QTMAN: variants seen among roughly 807,000 people sequenced by gnomAD.
QTMAN encodes tRNA-queuosine alpha-mannosyltransferase.
At chr2:144,173,729 T>C in the QTMAN span, among the ~76,000 whole-genome samples, 1 of 151,680 alleles carries the variant, frequency 6.6e-6, no homozygotes, top group Non-Finnish European at 1.5e-5. Context: ...CTCACATTGA[T>C]ATCTGATCCC....
At chr2:144,003,902 T>C in the QTMAN span, among the ~76,000 whole-genome samples, 1 of 152,072 alleles carries the variant, frequency 6.6e-6, no homozygotes, top group East Asian at 1.9e-4. Context: ...CAGCATCACT[T>C]CATTTTTAGA....
At chr2:144,085,729 T>C in the QTMAN span, among the ~76,000 whole-genome samples, 1 of 152,164 alleles carries the variant, frequency 6.6e-6, no homozygotes, top group South Asian at 2.1e-4. Context: ...TCTTATTCAG[T>C]GAGGCTTTGA....
At chr2:144,138,768 T>C in the QTMAN span, among the ~76,000 whole-genome samples, 1 of 152,020 alleles carries the variant, frequency 6.6e-6, no homozygotes, top group Non-Finnish European at 1.5e-5. Context: ...AGAATGAAGA[T>C]AGAAGATTTG....
the QTMAN span, among the ~76,000 whole-genome samples, chr2:144,049,708 T>C: frequency 6.6e-6 from 1 of 152,182 alleles, no homozygotes. Context: ...TGGCTCTTTT[T>C]TGTTAGGCTG....
the QTMAN span, among the ~76,000 whole-genome samples, chr2:144,103,916 CCT>C: frequency 1.3e-5 from 2 of 152,076 alleles, no homozygotes; most frequent in African/African-American, 4.8e-5. Context: ...ATGGCAAAAC[CCT>C]GTCTCTACTA....
the QTMAN span, among the ~76,000 whole-genome samples, chr2:144,225,420 A>G: frequency 6.6e-6 from 1 of 152,194 alleles, no homozygotes; most frequent in African/African-American, 2.4e-5. Flanking sequence ...TCTTGATGTC[A>G]CTTTTCCACT....
At chr2:144,290,414 G>A in the QTMAN span, among the ~76,000 whole-genome samples, 1 of 152,214 alleles carries the variant, frequency 6.6e-6, no homozygotes, top group Admixed American at 6.5e-5. Flanking sequence ...TCTGGCTAAT[G>A]CCTGGACCAT....
At chr2:144,042,607 A>G in the QTMAN span, among the ~76,000 whole-genome samples, 3 of 151,772 alleles carry the variant, frequency 2.0e-5, no homozygotes, top group African/African-American at 7.3e-5. Context: ...CAAACAAACA[A>G]AAAATTAGCT....
the QTMAN span, among the ~76,000 whole-genome samples, chr2:144,220,353 T>C: frequency 1.3e-5 from 2 of 152,120 alleles, no homozygotes; most frequent in Non-Finnish European, 2.9e-5. Context: ...TTCTAGAAGG[T>C]CTACTATTGT....
the QTMAN span, among the ~76,000 whole-genome samples, chr2:144,136,430 GA>G: frequency 6.7e-6 from 1 of 150,132 alleles, no homozygotes; most frequent in African/African-American, 2.5e-5. Context: ...GAAAGGAAAG[GA>G]AAGGAAAAGA....
the QTMAN span, among the ~76,000 whole-genome samples, chr2:144,165,634 C>G: frequency 1.3e-5 from 2 of 152,146 alleles, no homozygotes; most frequent in Non-Finnish European, 2.9e-5. Flanking sequence ...GAAACCTTCA[C>G]TTGGATAGCC....
At chr2:144,224,621 T>C in the QTMAN span, among the ~76,000 whole-genome samples, 3 of 152,068 alleles carry the variant, frequency 2.0e-5, no homozygotes, top group African/African-American at 7.3e-5. Flanking sequence ...TTGCTGATAA[T>C]GAGATGACAT....
chr2:143,941,045 G>T, the QTMAN span: 1 of 152,204 alleles, frequency 6.6e-6, no homozygotes, highest in South Asian at 2.1e-4. Flanking sequence ...AGGAGAAAGA[G>T]AAGACAAATG....
At chr2:144,269,172 C>T in the QTMAN span, among the ~76,000 whole-genome samples, 3 of 152,122 alleles carry the variant, frequency 2.0e-5, no homozygotes, top group Non-Finnish European at 2.9e-5. Context: ...ATAATATACG[C>T]TAACTGATAT....
chr2:144,262,809 AGGAGAGG>A, the QTMAN span, among the ~76,000 whole-genome samples: 1 of 68,044 alleles, frequency 1.5e-5, no homozygotes, highest in Non-Finnish European at 2.9e-5. Flanking sequence ...GTGAGATGGG[AGGAGAGG>A]GGAGAGGGGA....
the QTMAN span, among the ~76,000 whole-genome samples, chr2:144,086,523 T>C: frequency 6.6e-6 from 1 of 152,270 alleles, no homozygotes; most frequent in East Asian, 1.9e-4. Flanking sequence ...AGGACCTTGA[T>C]TCAGTGAAGC....
the QTMAN span, among the ~76,000 whole-genome samples, chr2:144,319,110 T>C: frequency 2.0e-5 from 3 of 152,224 alleles, no homozygotes; most frequent in African/African-American, 7.2e-5. Flanking sequence ...ATTTAGTTGA[T>C]AGGTCTAAAA....
the QTMAN span, among the ~76,000 whole-genome samples, chr2:144,253,603 G>C: frequency 1.3e-5 from 2 of 152,166 alleles, no homozygotes; most frequent in Non-Finnish European, 2.9e-5. Flanking sequence ...CATGCCAAGA[G>C]ACTGGTAGCA....
chr2:144,240,304 T>C, the QTMAN span, among the ~76,000 whole-genome samples: 1 of 152,222 alleles, frequency 6.6e-6, no homozygotes, highest in Non-Finnish European at 1.5e-5. Flanking sequence ...AATGAAATTA[T>C]GTGGTATTTT....
Sources: gnomAD v4.1 joint callset for allele counts (sites outside exome capture counted in the v4.1 genomes callset) on GRCh38, gnomAD v4.1.1 for gene constraint, MANE v1.5 for transcripts, NCBI Gene and HGNC (gene_info 2026-07-23, HGNC 2026-07-21) for gene names.